The following MACROD2 variants were observed in gnomAD, a reference collection of about 807,000 sequenced individuals.
MACROD2 encodes the protein ADP-ribose glycohydrolase MACROD2.
In MACROD2, 36 loss-of-function variants were observed where a neutral mutation model predicts 70.4. The observed-to-expected ratio is 0.51, with a 90% CI of 0.39 to 0.68. The LOEUF is 0.68. Among genes scored for constraint, MACROD2 ranks in the 30% least tolerant of loss-of-function variants. The pLI is 0.00. For synonymous variants in MACROD2, 172 were observed against 178.8 expected (o/e 0.96, Z 0.30); for missense variants, 496 against 538.4 (o/e 0.92, Z 0.78).
intron 6 of MACROD2, among the ~76,000 whole-genome samples, chr20:15,238,854 T>C (rs458032): frequency 0.28 from 41,870 of 152,098 alleles, 5,985 homozygotes; most frequent in Non-Finnish European, 0.32. Context: ...AGGAAAATCA[T>C]TATTGGTTTC....
intron 8 of MACROD2, among the ~76,000 whole-genome samples, chr20:15,724,245 A>G (rs984533866): frequency 7.9e-5 from 12 of 152,146 alleles, no homozygotes; most frequent in Admixed American, 5.2e-4. Context: ...TCTTGACATT[A>G]TCTTTTCAAA....
chr20:15,149,458 G>C (rs550524994), intron 5 of MACROD2, among the ~76,000 whole-genome samples: 1 of 145,392 alleles, frequency 6.9e-6, no homozygotes, highest in Admixed American at 7.0e-5. Context: ...GCAGTCATAG[G>C]GGTCAGGTGT....
intron 8 of MACROD2, among the ~76,000 whole-genome samples, chr20:15,664,953 C>T (rs2049877332): frequency 6.6e-6 from 1 of 152,056 alleles, no homozygotes; most frequent in Non-Finnish European, 1.5e-5. Flanking sequence ...ACTTATTGCA[C>T]TGTTATGATA....
intron 3 of MACROD2, among the ~76,000 whole-genome samples, chr20:14,197,243 A>C (rs2081439779): frequency 6.6e-6 from 1 of 152,220 alleles, no homozygotes; most frequent in African/African-American, 2.4e-5. Context: ...CTTAAGCATA[A>C]ACTAACAGGA....
At chr20:14,593,815 A>T (rs1431305926) in intron 4 of MACROD2, among the ~76,000 whole-genome samples, 2 of 152,196 alleles carry the variant, frequency 1.3e-5, no homozygotes, top group African/African-American at 4.8e-5. Context: ...AAGTGATCAC[A>T]TTGAAATCAT....
chr20:15,039,187 C>T (rs2075336332), intron 5 of MACROD2, among the ~76,000 whole-genome samples: 1 of 152,048 alleles, frequency 6.6e-6, no homozygotes, highest in African/African-American at 2.4e-5. Flanking sequence ...GACAGTCACA[C>T]AGAAATGTGA....
intron 3 of MACROD2, among the ~76,000 whole-genome samples, chr20:14,488,550 A>C (rs1457148215): frequency 6.6e-6 from 1 of 152,190 alleles, no homozygotes; most frequent in Non-Finnish European, 1.5e-5. Flanking sequence ...GTTGTTTTCT[A>C]TAACCACCTT....
At chr20:15,959,279 A>C (rs2066024561) in intron 12 of MACROD2, among the ~76,000 whole-genome samples, 1 of 152,198 alleles carries the variant, frequency 6.6e-6, no homozygotes, top group African/African-American at 2.4e-5. Flanking sequence ...ATTTCCTGTA[A>C]TACCAGATGT....
chr20:15,477,588 G>C (rs967947073), intron 7 of MACROD2, among the ~76,000 whole-genome samples: 1 of 152,060 alleles, frequency 6.6e-6, no homozygotes, highest in African/African-American at 2.4e-5. Context: ...GAGAGGAGGG[G>C]AGTAAACCCA....
intron 6 of MACROD2, among the ~76,000 whole-genome samples, chr20:15,316,117 CAGTT>C (rs1312961641): frequency 7.6e-6 from 1 of 132,074 alleles, no homozygotes; most frequent in African/African-American, 2.8e-5. Flanking sequence ...AAAAAAAAGT[CAGTT>C]AACCCCAAAA....
intron 3 of MACROD2, among the ~76,000 whole-genome samples, chr20:14,211,789 G>T (rs2081573658): frequency 1.3e-5 from 2 of 152,156 alleles, no homozygotes; most frequent in East Asian, 1.9e-4. Flanking sequence ...CCCTCACAAG[G>T]CCTCTTAGTC....
chr20:14,372,165 G>A (rs1004288703), intron 3 of MACROD2, among the ~76,000 whole-genome samples: 30 of 152,094 alleles, frequency 2.0e-4, no homozygotes, highest in African/African-American at 4.6e-4. Context: ...TTGTATGAAC[G>A]CTGTACTCGG....
chr20:14,361,087 T>C (rs1402563764), intron 3 of MACROD2, among the ~76,000 whole-genome samples: 1 of 152,136 alleles, frequency 6.6e-6, no homozygotes, highest in Admixed American at 6.5e-5. Context: ...TGATAATCCC[T>C]TTCATTTATA....
At chr20:14,322,407 C>T (rs1440385838) in intron 3 of MACROD2, among the ~76,000 whole-genome samples, 9 of 134,388 alleles carry the variant, frequency 6.7e-5, no homozygotes, top group African/African-American at 8.1e-5. Context: ...AATATAATCT[C>T]TTTTTTTTTT....
intron 4 of MACROD2, among the ~76,000 whole-genome samples, chr20:14,604,423 A>C (rs907734325): frequency 1.3e-5 from 2 of 152,204 alleles, no homozygotes; most frequent in African/African-American, 4.8e-5. Context: ...TCTTACAGGC[A>C]TACTCCACAT....
At chr20:14,435,204 C>A (rs901753033) in intron 3 of MACROD2, among the ~76,000 whole-genome samples, 5 of 152,270 alleles carry the variant, frequency 3.3e-5, no homozygotes, top group African/African-American at 4.8e-5. Flanking sequence ...TGTGGATACA[C>A]AACTCCAACC....
intron 5 of MACROD2, among the ~76,000 whole-genome samples, chr20:14,934,284 C>T (rs764610838): frequency 2.6e-5 from 4 of 152,152 alleles, no homozygotes; most frequent in Non-Finnish European, 5.9e-5. Context: ...GGGACTATCA[C>T]CCCTATTCTA....
Position 14,693,200 on chromosome 20 carries a change from C to G in MACROD2, c.418+8241C>G, listed in dbSNP as rs1019961025. Among the ~76,000 whole-genome samples the G allele has an allele frequency of 3.9e-4, 60 of 152,196 alleles. No homozygotes were observed. The Middle Eastern group carries it at 0.01, about 26-fold the overall frequency. On this transcript the variant is annotated intron_variant, in intron 5 of 17. Coordinates refer to ENST00000684519, the MANE Select transcript of MACROD2 (RefSeq NM_001351661.2). ...CATTAACCACAGTGGGGGTAATCAG[C>G]CTTTGGATGTGTTTAATCAGAGTTA...
chr20:15,719,082 A>C (rs760899375), intron 8 of MACROD2, among the ~76,000 whole-genome samples: 29 of 152,280 alleles, frequency 1.9e-4, no homozygotes, highest in Non-Finnish European at 3.8e-4. Flanking sequence ...ATCTTTCCTA[A>C]AGCATTTAAT....
Sources: allele counts gnomAD v4.1 joint callset (sites outside exome capture counted in the v4.1 genomes callset), GRCh38; gene constraint gnomAD v4.1.1; transcripts MANE v1.5; gene names NCBI Gene and HGNC (gene_info 2026-07-23, HGNC 2026-07-21).